Variants in DNAH11 observed in about 807,000 individuals in gnomAD.
DNAH11 encodes dynein axonemal heavy chain 11, also known as axonemal beta dynein heavy chain 11.
In DNAH11, 442 loss-of-function variants were observed where a neutral mutation model predicts 526.0. That is an observed-to-expected ratio of 0.84 (90% CI 0.78 to 0.91). The LOEUF is 0.91. Ranked by LOEUF, DNAH11 falls within the 40% of genes least tolerant of loss-of-function variation. DNAH11 has a pLI of 0.00. For missense variants in DNAH11, 6,989 were observed against 5,448.7 expected, an observed-to-expected ratio of 1.28 and a Z score of -8.90; for synonymous variants, 2,461 against 1,935.9, an observed-to-expected ratio of 1.27 and a Z score of -7.12.
At chr7:21,650,612 A>G (rs1275171793) in intron 28 of DNAH11, among the ~76,000 whole-genome samples, 1 of 150,728 alleles carries the variant, frequency 6.6e-6, no homozygotes, top group Non-Finnish European at 1.5e-5. Context: ...ACCATCACCA[A>G]AACTGTTATT....
chr7:21,728,074 T>C (rs2965379), intron 45 of DNAH11, among the ~76,000 whole-genome samples: 91,963 of 151,150 alleles, frequency 0.61, 28,291 homozygotes, highest in South Asian at 0.71. Flanking sequence ...ATAAGTCCTA[T>C]TCCCAAATAC....
chr7:21,725,765 T>G, intron 44 of DNAH11, 46 bp from the exon 45 acceptor site: 1 of 1,550,904 alleles, frequency 6.4e-7, no homozygotes, highest in Non-Finnish European at 8.7e-7. Flanking sequence ...TTTTACAGTT[T>G]TAATTACTTT....
chr7:21,706,904 T>G (rs1030234382), intron 39 of DNAH11, among the ~76,000 whole-genome samples: 3 of 152,222 alleles, frequency 2.0e-5, no homozygotes, highest in African/African-American at 7.2e-5. Context: ...AAAGTATTAA[T>G]TAATTGAATA....
intron 28 of DNAH11, among the ~76,000 whole-genome samples, chr7:21,642,830 A>G (rs1310840615): frequency 1.3e-5 from 2 of 152,086 alleles, no homozygotes; most frequent in East Asian, 3.9e-4. Context: ...TACAACCGCC[A>G]TTCTGCAAGC....
chr7:21,611,670 A>G (rs1377548562), intron 20 of DNAH11, among the ~76,000 whole-genome samples: 1 of 152,182 alleles, frequency 6.6e-6, no homozygotes, highest in Non-Finnish European at 1.5e-5. Context: ...ACCAGATAGA[A>G]AAGACTGGTC....
chr7:21,599,773 T>C lies in DNAH11; in HGVS notation c.2668-14T>C, dbSNP rs775720541. The C allele has an allele frequency of 1.6e-5, 24 of 1,510,254 alleles. No individual in the cohort carries two copies. Among genetic ancestry groups the C allele is most frequent in the Admixed American group, 4.4e-5 (2 of 45,580 alleles). 93.6% of individuals were successfully genotyped at this position (1,510,254 alleles called of 1,614,324 possible). ...TTTGTTTATATTCATCCACTAATAC[T>C]TGTCTGTTTCTAGGAAAATAGGAAG... On this transcript the variant is annotated splice_polypyrimidine_tract_variant and intron_variant, in intron 14 of 81. Transcript: ENST00000409508.
In DNAH11 at chr7:21,892,499, C is replaced by T. The variant is rs748191223; in HGVS notation, c.12582C>T (p.Tyr4194=). The change falls in exon 77 of 82, where the codon TAC becomes TAT. Residue 4194 remains tyrosine, a synonymous_variant. Coordinates refer to ENST00000409508, the MANE Select transcript of DNAH11 (RefSeq NM_001277115.2). ...PYLDYAGYHQ[Y]IEEMLPPESP... ...TAGATTATGCAGGCTACCACCAGTA[C>T]ATAGAGGAGATGCTTCCTCCAGAAA... 36 of 1,613,862 alleles carry T rather than the reference C, an allele frequency of 2.2e-5. No homozygotes were observed. The South Asian group carries it at 3.7e-4, about 17-fold the overall frequency.
At chr7:21,836,547 A>G (rs575302308) in intron 65 of DNAH11, among the ~76,000 whole-genome samples, 2 of 152,280 alleles carry the variant, frequency 1.3e-5, no homozygotes, top group African/African-American at 4.8e-5. Flanking sequence ...CACATGCAGA[A>G]AAATGAAACT....
At chr7:21,820,735 C>G (rs963954985) in intron 65 of DNAH11, among the ~76,000 whole-genome samples, 2 of 152,108 alleles carry the variant, frequency 1.3e-5, no homozygotes, top group Non-Finnish European at 2.9e-5. Flanking sequence ...TAAATACACT[C>G]AAGGGGCCTG....
chr7:21,827,012 A>C (rs888110658), intron 65 of DNAH11, among the ~76,000 whole-genome samples: 4 of 152,230 alleles, frequency 2.6e-5, no homozygotes, highest in African/African-American at 9.6e-5. Flanking sequence ...TGAAGTAATG[A>C]ATACTAATTA....
intron 54 of DNAH11, among the ~76,000 whole-genome samples, chr7:21,754,377 A>G (rs1383405416): frequency 1.3e-5 from 2 of 152,106 alleles, no homozygotes; most frequent in Non-Finnish European, 2.9e-5. Context: ...GAAGTTTTAC[A>G]TTTTTATATT....
intron 28 of DNAH11, among the ~76,000 whole-genome samples, chr7:21,647,062 A>G (rs947912144): frequency 6.6e-6 from 1 of 152,228 alleles, no homozygotes. Context: ...TGTGTATTTC[A>G]TGTGTTCAAA....
intron 74 of DNAH11, among the ~76,000 whole-genome samples, chr7:21,877,590 T>A (rs1270154992): frequency 6.6e-6 from 1 of 152,136 alleles, no homozygotes; most frequent in African/African-American, 2.4e-5. Context: ...AAAGAGCCTC[T>A]TGAGGCTAGG....
chr7:21,869,268 A>G (rs1013828465), intron 73 of DNAH11, among the ~76,000 whole-genome samples: 1 of 152,186 alleles, frequency 6.6e-6, no homozygotes, highest in Non-Finnish European at 1.5e-5. Context: ...AGATATCTGG[A>G]ACACTCAGTA....
chr7:21,892,715 T>G, intron 77 of DNAH11, 48 bp downstream of exon 77: 1 of 1,519,270 alleles, frequency 6.6e-7, no homozygotes, highest in Middle Eastern at 1.9e-4. Context: ...TATAACTTAC[T>G]TGTACTGAAG....
chr7:21,664,564 A>C (rs941198639), intron 30 of DNAH11, among the ~76,000 whole-genome samples: 1 of 151,652 alleles, frequency 6.6e-6, no homozygotes, highest in Non-Finnish European at 1.5e-5. Context: ...GCTCAAGCAA[A>C]CCTCCCGCCT....
chr7:21,792,148 GT>G (rs976921062), intron 61 of DNAH11, among the ~76,000 whole-genome samples: 1 of 151,992 alleles, frequency 6.6e-6, no homozygotes, highest in Non-Finnish European at 1.5e-5. Flanking sequence ...TTTGTTGAGT[GT>G]TTTTTTAGCA....
chr7:21,900,141 A>T, intron 81 of DNAH11, 21 bp downstream of exon 81: 1 of 1,593,048 alleles, frequency 6.3e-7, no homozygotes, highest in Non-Finnish European at 8.6e-7. Context: ...CCAAGGGGTA[A>T]GTGGGGAACC....
At chr7:21,562,776 T>C (rs1783519627) in intron 5 of DNAH11, among the ~76,000 whole-genome samples, 1 of 152,094 alleles carries the variant, frequency 6.6e-6, no homozygotes, top group African/African-American at 2.4e-5. Flanking sequence ...GAAACATGAG[T>C]ACATCTGGGA....
Sources: gnomAD v4.1 joint callset for allele counts (sites outside exome capture counted in the v4.1 genomes callset) on GRCh38, gnomAD v4.1.1 for gene constraint, MANE v1.5 for transcripts, NCBI Gene and HGNC (gene_info 2026-07-23, HGNC 2026-07-21) for gene names.